GUCY1A2: variants seen among roughly 807,000 people sequenced by gnomAD.
The protein encoded by GUCY1A2 is guanylate cyclase soluble subunit alpha-2.
Under a neutral mutation model 63.5 loss-of-function variants are expected in GUCY1A2, and 27 were observed. The observed-to-expected ratio is 0.43, with a 90% CI of 0.31 to 0.59. The LOEUF is 0.59. Among genes scored for constraint, GUCY1A2 ranks in the 20% least tolerant of loss-of-function variants. The probability of loss-of-function intolerance (pLI) is 0.11; values close to 1 mark genes in which losing one functional copy is unlikely to be tolerated. For missense variants in GUCY1A2, 768 were observed against 913.3 expected (o/e 0.84, Z 2.05); for synonymous variants, 364 against 343.5 (o/e 1.06, Z -0.66).
intron 3 of GUCY1A2, among the ~76,000 whole-genome samples, chr11:106,950,861 T>C (rs1860897871): frequency 1.3e-5 from 2 of 152,102 alleles, no homozygotes; most frequent in South Asian, 4.1e-4. Flanking sequence ...TTGCTGCACC[T>C]ATTGACCCAT....
intron 2 of GUCY1A2, among the ~76,000 whole-genome samples, chr11:106,982,098 G>A (rs1434509046): frequency 1.3e-5 from 2 of 152,026 alleles, no homozygotes; most frequent in Non-Finnish European, 2.9e-5. Context: ...TTTTTAAAAT[G>A]AGAAAACTGA....
chr11:106,998,371 T>C (rs1272298782), intron 1 of GUCY1A2, among the ~76,000 whole-genome samples: 3 of 152,180 alleles, frequency 2.0e-5, no homozygotes, highest in Non-Finnish European at 4.4e-5. Flanking sequence ...TGGCATCATG[T>C]TTTTTCAAAT....
chr11:106,783,024 G>T (rs1864493525), intron 5 of GUCY1A2, among the ~76,000 whole-genome samples: 1 of 152,188 alleles, frequency 6.6e-6, no homozygotes, highest in Non-Finnish European at 1.5e-5. Context: ...AACGCCCATG[G>T]GACATACTCG....
intron 4 of GUCY1A2, among the ~76,000 whole-genome samples, chr11:106,886,893 G>A (rs569826689): frequency 6.6e-6 from 1 of 152,150 alleles, no homozygotes; most frequent in East Asian, 1.9e-4. Flanking sequence ...TAATAATTCT[G>A]GGTTGCTAAG....
chr11:106,750,361 T>G (rs938465450), intron 6 of GUCY1A2, among the ~76,000 whole-genome samples: 7 of 152,098 alleles, frequency 4.6e-5, no homozygotes, highest in African/African-American at 1.7e-4. Context: ...CCTAGCTCAC[T>G]GAGGCAAATG....
chr11:106,869,931 A>G (rs11211954), intron 4 of GUCY1A2, among the ~76,000 whole-genome samples: 23,581 of 152,100 alleles, frequency 0.16, 1,949 homozygotes, highest in Admixed American at 0.21. Flanking sequence ...CAGCCATAAA[A>G]AAGGATGAGT....
chr11:106,858,709 C>T (rs1341541736), intron 4 of GUCY1A2, among the ~76,000 whole-genome samples: 1 of 151,984 alleles, frequency 6.6e-6, no homozygotes, highest in Non-Finnish European at 1.5e-5. Context: ...CCTTTGACAA[C>T]CTTTGTTGGT....
intron 6 of GUCY1A2, among the ~76,000 whole-genome samples, chr11:106,727,689 T>C (rs1471281509): frequency 6.6e-6 from 1 of 152,222 alleles, no homozygotes; most frequent in African/African-American, 2.4e-5. Flanking sequence ...AAACAACTTA[T>C]ATTCAGAAAC....
intron 4 of GUCY1A2, among the ~76,000 whole-genome samples, chr11:106,828,290 C>T (rs1859002393): frequency 1.4e-5 from 1 of 72,160 alleles, no homozygotes; most frequent in South Asian, 4.4e-4. Flanking sequence ...TTCAGAAAAG[C>T]TTTTCCTAGA....
At chr11:106,950,231 C>G (rs1252316062) in intron 3 of GUCY1A2, among the ~76,000 whole-genome samples, 3 of 152,208 alleles carry the variant, frequency 2.0e-5, no homozygotes, top group Admixed American at 6.5e-5. Context: ...GCTATGCCTG[C>G]TATCAGATGC....
intron 1 of GUCY1A2, among the ~76,000 whole-genome samples, chr11:106,988,279 C>T (rs1004667879): frequency 6.6e-6 from 1 of 152,150 alleles, no homozygotes; most frequent in Non-Finnish European, 1.5e-5. Flanking sequence ...TGGATCTGGG[C>T]CTCTTGCACT....
intron 4 of GUCY1A2, among the ~76,000 whole-genome samples, chr11:106,860,804 C>A (rs530147495): frequency 2.6e-5 from 4 of 152,026 alleles, no homozygotes; most frequent in Admixed American, 2.6e-4. Context: ...AATTAACTCA[C>A]AAAAATTAAG....
At chr11:106,898,596 T>G (rs1860083627) in intron 4 of GUCY1A2, among the ~76,000 whole-genome samples, 1 of 152,134 alleles carries the variant, frequency 6.6e-6, no homozygotes, top group African/African-American at 2.4e-5. Flanking sequence ...AGAACTCAAT[T>G]TGAAAAGGTT....
chr11:106,725,157 T>TGGCTAAAATTCTAACTGTGA (rs1565270054), intron 6 of GUCY1A2, among the ~76,000 whole-genome samples: 2 of 21,966 alleles, frequency 9.1e-5, no homozygotes, highest in Non-Finnish European at 1.7e-4. Flanking sequence ...AAATTCTTTT[T>TGGCTAAAATTCTAACTGTGA]TTTTTTTTTT....
intron 7 of GUCY1A2, among the ~76,000 whole-genome samples, chr11:106,707,378 A>T (rs893262990): frequency 6.6e-6 from 1 of 151,878 alleles, no homozygotes; most frequent in African/African-American, 2.4e-5. Context: ...TTTATATTCA[A>T]ATTTTCTGCT....
chr11:106,687,516 CT>C lies in GUCY1A2; in HGVS notation c.*32del. On this transcript the variant is annotated 3_prime_UTR_variant, in exon 8 of 8. Transcript: ENST00000526355. ...TGGTGACCCATGTTCTGGGCTTGTG[CT>C]TTTTGGAGGAGTCTTTGATCTGTAG... The C allele has an allele frequency of 6.5e-7, 1 of 1,531,492 alleles. No homozygotes were observed. The highest frequency in any genetic ancestry group is 9.0e-7 in the Non-Finnish European group (1 of 1,105,458). 94.9% of individuals were successfully genotyped at this position (1,531,492 alleles called of 1,614,324 possible). A position where few individuals can be genotyped will look rare whatever the true frequency, so the allele number is the denominator to read the frequency against.
At chr11:106,768,025 T>C (rs757802725) in intron 6 of GUCY1A2, among the ~76,000 whole-genome samples, 3 of 152,084 alleles carry the variant, frequency 2.0e-5, no homozygotes, top group Non-Finnish European at 4.4e-5. Context: ...GGGGAAAATA[T>C]AGAAAAAAAG....
intron 4 of GUCY1A2, among the ~76,000 whole-genome samples, chr11:106,846,779 A>G (rs1034315853): frequency 1.3e-5 from 2 of 151,670 alleles, no homozygotes; most frequent in African/African-American, 4.8e-5. Context: ...AACTGAACAA[A>G]TGAAATAGAA....
At chr11:106,786,033 C>A (rs1864550295) in intron 5 of GUCY1A2, among the ~76,000 whole-genome samples, 1 of 152,262 alleles carries the variant, frequency 6.6e-6, no homozygotes, top group East Asian at 1.9e-4. Flanking sequence ...GTGCAGACTA[C>A]AACAACCAGT....
Sources: gnomAD v4.1 joint callset for allele counts (sites outside exome capture counted in the v4.1 genomes callset) on GRCh38, gnomAD v4.1.1 for gene constraint, MANE v1.5 for transcripts, NCBI Gene and HGNC (gene_info 2026-07-23, HGNC 2026-07-21) for gene names.